Variants in LAMP2 observed in about 807,000 individuals in gnomAD.
The protein encoded by LAMP2 is lysosome-associated membrane glycoprotein 2.
Under a neutral mutation model 25.6 loss-of-function variants are expected in LAMP2, and 4 were observed. The ratio of observed to expected loss-of-function variants is 0.16; its 90% CI spans 0.08 to 0.36. LAMP2 has a LOEUF of 0.36. Among genes scored for constraint, LAMP2 ranks in the 10% least tolerant of loss-of-function variants. The pLI, the probability that LAMP2 is intolerant of heterozygous loss-of-function variation, is 1.00. For synonymous variants in LAMP2, 108 were observed against 112.7 expected (o/e 0.96, Z 0.27); for missense variants, 272 against 301.4 (o/e 0.90, Z 0.72).
Position 120,428,959 on chromosome X carries a change from T to G in LAMP2, c.*2364A>C. ...ACACTTAAAACCACTGCCTGTGTAT[T>G]TCCCTACTCTCTTTCTCTTCGTCAC... On this transcript the variant is annotated 3_prime_UTR_variant, in exon 9 of 9. Coordinates refer to ENST00000200639, the MANE Select transcript of LAMP2 (RefSeq NM_002294.3). 2.8e-6 allele frequency: 2 copies of G among 720,888 alleles called. No individual in the cohort carries two copies. Among genetic ancestry groups the G allele is most frequent in the South Asian group, 1.4e-4 (2 of 14,055 alleles). 59.4% of individuals were successfully genotyped at this position (720,888 alleles called of 1,213,427 possible).
chrX:120,437,315 A>G (rs1168264269), intron 8 of LAMP2: 13 of 741,486 alleles, frequency 1.8e-5, no homozygotes, highest in Non-Finnish European at 1.6e-5. Context: ...ATATATATAT[A>G]TGTCTGTGTG....
Position 120,442,187 on chromosome X carries a change from A to G in LAMP2, c.929-293T>C, listed in dbSNP as rs7889047. Among the ~76,000 whole-genome samples the G allele has an allele frequency of 0.37, 35,689 of 95,535 alleles. 5,322 individuals carry two copies. The highest frequency in any genetic ancestry group is 0.49 in the Middle Eastern group (85 of 173). The allele number at this position is 95,535 out of a possible 115,157, so 83.0% of individuals were successfully genotyped here. On this transcript the variant is annotated intron_variant, in intron 7 of 8. Transcript: ENST00000200639. ...GAACCTGGGATTGAGCTGTGGTCAC[A>G]CCCCTGCAATCTGGCCTGGGCATAG...
At chrX:120,447,469 G>A (rs1452126860) in intron 5 of LAMP2, among the ~76,000 whole-genome samples, 1 of 110,539 alleles carries the variant, frequency 9.0e-6, no homozygotes, top group Non-Finnish European at 1.9e-5. Flanking sequence ...AGCACTTTGG[G>A]AGGCCGAGAC....
chrX:120,432,791 A>G (rs994432847), intron 8 of LAMP2, among the ~76,000 whole-genome samples: 1 of 111,048 alleles, frequency 9.0e-6, no homozygotes, highest in Non-Finnish European at 1.9e-5. Context: ...TAGATATGTG[A>G]GTTTAAGATA....
intron 8 of LAMP2, chrX:120,437,132 C>A (rs1382852717): frequency 5.1e-5 from 38 of 748,057 alleles, no homozygotes; most frequent in Non-Finnish European, 5.8e-5. Flanking sequence ...ATGCAGCTCG[C>A]TGTAGCTCTA....
chrX:120,435,159 C>T (rs747975251), intron 8 of LAMP2, among the ~76,000 whole-genome samples: 2 of 111,604 alleles, frequency 1.8e-5, no homozygotes, highest in African/African-American at 3.3e-5. Context: ...AACAAACAAA[C>T]GAGTCAAAAC....
chrX:120,464,151 C>T (rs990738847), intron 1 of LAMP2, among the ~76,000 whole-genome samples: 2 of 111,179 alleles, frequency 1.8e-5, no homozygotes, highest in African/African-American at 6.5e-5. Context: ...TTCGAGACTA[C>T]GGAGGTATAT....
chrX:120,441,531 C>CT (rs746574270), intron 8 of LAMP2, among the ~76,000 whole-genome samples, 199 bp downstream of exon 8: 1 of 112,041 alleles, frequency 8.9e-6, no homozygotes, highest in African/African-American at 3.2e-5. Flanking sequence ...GCTTTAAGAA[C>CT]TTTTTTTGCA....
rs2058516021 is a variant in LAMP2 at position 120,429,971 on chromosome X, C to T, written c.*1352G>A. The T allele has an allele frequency of 1.3e-6, 1 of 753,833 alleles. No individual in the cohort carries two copies. Among genetic ancestry groups the T allele is most frequent in the Non-Finnish European group, 1.6e-6 (1 of 638,748 alleles). 62.1% of individuals were successfully genotyped at this position (753,833 alleles called of 1,213,427 possible). On this transcript the variant is annotated 3_prime_UTR_variant, in exon 9 of 9. Coordinates refer to ENST00000200639, the MANE Select transcript of LAMP2 (RefSeq NM_002294.3). ...TTTACCATTCATAAAAATGTTGCTA[C>T]GGTTCTGAGTACACAACACTCATCT...
intron 8 of LAMP2, chrX:120,437,616 A>T: frequency 1.3e-6 from 1 of 746,529 alleles, no homozygotes; most frequent in Non-Finnish European, 1.6e-6. Flanking sequence ...CGGTAATTTG[A>T]CAATTGGTAC....
chrX:120,452,158 T>C (rs2058623882), intron 3 of LAMP2, among the ~76,000 whole-genome samples: 1 of 111,447 alleles, frequency 9.0e-6, no homozygotes, highest in Admixed American at 9.6e-5. Flanking sequence ...TTTTGTTATA[T>C]CATTCTCCTG....
chrX:120,467,253 G>A (rs1408001262), intron 1 of LAMP2, among the ~76,000 whole-genome samples: 1 of 112,152 alleles, frequency 8.9e-6, no homozygotes, highest in African/African-American at 3.2e-5. Context: ...CCAATACTAT[G>A]GTTTTCGAGC....
Position 120,451,627 on chromosome X carries a change from G to A in LAMP2, c.398-2499C>T, listed in dbSNP as rs188874498. ...TTACAGGCACGCACCACTACCACCC[G>A]GCTAATTTTTGTATTTTTAGTAGAG... On this transcript the variant is annotated intron_variant, in intron 3 of 8. Transcript: ENST00000200639. 2.0e-3 allele frequency among the ~76,000 whole-genome samples: 219 copies of A among 110,519 alleles called. 5 individuals are homozygous for A. In the East Asian group the frequency reaches 0.056, roughly 28 times the overall value.
At chrX:120,449,745 C>G (rs565270703) in intron 3 of LAMP2, among the ~76,000 whole-genome samples, 1 of 112,226 alleles carries the variant, frequency 8.9e-6, no homozygotes, top group African/African-American at 3.2e-5. Context: ...TTTTAGCAGT[C>G]GAGGGCTAGC....
chrX:120,455,702 G>T, intron 2 of LAMP2, 132 bp from the exon 3 acceptor site: 1 of 493,190 alleles, frequency 2.0e-6, no homozygotes, highest in Admixed American at 3.2e-5. Context: ...CTGGTTTGCT[G>T]TGTAAACCAG....
At chrX:120,454,595 G>A (rs1009764585) in intron 3 of LAMP2, among the ~76,000 whole-genome samples, 17 of 108,482 alleles carry the variant, frequency 1.6e-4, no homozygotes, top group African/African-American at 5.4e-4. Context: ...CCCAACCCCC[G>A]ATCTTGAAAA....
Position 120,449,038 on chromosome X carries a change from T to A in LAMP2, c.488A>T (p.Asp163Val), listed in dbSNP as rs1311539798. The A allele has an allele frequency of 8.3e-7, 1 of 1,207,430 alleles. No individual in the cohort carries two copies. ...AACATCCCAGTAGTGTTGGACAACA[T>A]CATTCTTTTCCAAAGTTGATAAACT... ...CNSLSTLEKN[D>V]VVQHYWDVLV... The change falls in exon 4 of 9, where the codon GAT becomes GTT. Residue 163 changes from aspartate to valine, a missense_variant. Transcript: ENST00000200639.
chrX:120,443,450 T>C (rs1246708813), intron 6 of LAMP2, among the ~76,000 whole-genome samples: 1 of 112,103 alleles, frequency 8.9e-6, no homozygotes, highest in South Asian at 3.7e-4. Flanking sequence ...AAACTTTACA[T>C]ATGATGCTTC....
At chrX:120,445,538 A>G (rs1476852944) in intron 6 of LAMP2, among the ~76,000 whole-genome samples, 1 of 112,485 alleles carries the variant, frequency 8.9e-6, no homozygotes, top group Non-Finnish European at 1.9e-5. Context: ...TAGTTTGAGA[A>G]TAGTTGGTGG....
Sources: allele counts gnomAD v4.1 joint callset (sites outside exome capture counted in the v4.1 genomes callset), GRCh38; gene constraint gnomAD v4.1.1; transcripts MANE v1.5; gene names NCBI Gene and HGNC (gene_info 2026-07-23, HGNC 2026-07-21).